NDST3: variants seen among roughly 807,000 people sequenced by gnomAD.
NDST3 encodes the protein bifunctional heparan sulfate N-deacetylase/N-sulfotransferase 3.
NDST3 carries 58 observed loss-of-function variants against 96.1 expected under a neutral mutation model. The observed-to-expected ratio is 0.60, with a 90% CI of 0.49 to 0.75. The LOEUF (loss-of-function observed/expected upper bound fraction) is 0.75. Ranked by LOEUF, NDST3 falls within the 30% of genes least tolerant of loss-of-function variation. The pLI is 0.00. For missense variants in NDST3, 788 were observed against 1,034.2 expected (o/e 0.76, Z 3.27); for synonymous variants, 333 against 359.7 (o/e 0.93, Z 0.84).
intron 6 of NDST3, among the ~76,000 whole-genome samples, chr4:118,220,898 A>C (rs1451679897): frequency 2.0e-5 from 3 of 152,098 alleles, no homozygotes; most frequent in African/African-American, 4.8e-5. Flanking sequence ...GGGTTTGATA[A>C]CCTGAGTTAG....
intron 12 of NDST3, among the ~76,000 whole-genome samples, chr4:118,253,024 A>C (rs896923939): frequency 6.6e-6 from 1 of 152,094 alleles, no homozygotes; most frequent in Admixed American, 6.5e-5. Flanking sequence ...AAAAGTAATC[A>C]CTCCATGATA....
intron 1 of NDST3, among the ~76,000 whole-genome samples, chr4:118,041,568 C>T (rs1724467199): frequency 1.3e-5 from 2 of 152,058 alleles, no homozygotes; most frequent in African/African-American, 2.4e-5. Context: ...AGGTTGAATT[C>T]GGAGCAGAAT....
chr4:118,087,668 G>C (rs1314211936), intron 2 of NDST3, among the ~76,000 whole-genome samples: 2 of 152,072 alleles, frequency 1.3e-5, no homozygotes, highest in African/African-American at 4.8e-5. Flanking sequence ...CAGGGGGAGA[G>C]AGGATGAGAA....
At chr4:118,159,780 A>G (rs1228974879) in intron 6 of NDST3, among the ~76,000 whole-genome samples, 2 of 152,186 alleles carry the variant, frequency 1.3e-5, no homozygotes, top group East Asian at 3.9e-4. Flanking sequence ...AAGTGAAAAA[A>G]TCACTACCTA....
In NDST3 at chr4:118,054,134, G is replaced by T; in HGVS notation, c.224G>T (p.Arg75Met). ...VKAMKLFDAS[R>M]TDPTVLVFVE... ...GCAATGAAGCTTTTTGATGCCTCAA[G>T]GACAGACCCCACAGTCCTAGTATTT... The change falls in exon 2 of 14, where the codon AGG becomes ATG. Residue 75 changes from arginine (R) to methionine (M), a missense_variant. Arg to Met is a moderately conservative substitution (Grantham distance 91). Around this residue, in one of 3 missense-constraint regions of NDST3, gnomAD observed 234 missense variants for 256.9 expected, o/e 0.91. Transcript: ENST00000296499. The T allele has an allele frequency of 6.2e-7, 1 of 1,612,876 alleles. No individual in the cohort carries two copies. Among genetic ancestry groups the T allele is most frequent in the East Asian group, 2.2e-5 (1 of 44,838 alleles).
chr4:118,101,622 T>C (rs1478869624), intron 2 of NDST3, among the ~76,000 whole-genome samples: 1 of 152,102 alleles, frequency 6.6e-6, no homozygotes, highest in African/African-American at 2.4e-5. Context: ...AGGTGTGTTC[T>C]AAAAAATGTG....
At chr4:118,225,754 G>A (rs1739834413) in intron 7 of NDST3, among the ~76,000 whole-genome samples, 1 of 152,122 alleles carries the variant, frequency 6.6e-6, no homozygotes, top group Non-Finnish European at 1.5e-5. Context: ...ATTACCTCCT[G>A]AGCACACACA....
Position 118,067,881 on chromosome 4 carries a change from C to T in NDST3, c.981+12990C>T, listed in dbSNP as rs1050284646. On this transcript the variant is annotated intron_variant, in intron 2 of 13. Coordinates refer to ENST00000296499, the MANE Select transcript of NDST3 (RefSeq NM_004784.3). ...GCACATGTATACCTATATAACAAAC[C>T]TGCACGTTCTACACATGTATCCTGG... Among the ~76,000 whole-genome samples, 2 of 151,830 alleles carry T rather than the reference C, an allele frequency of 1.3e-5. 1 individual carries two copies. Among genetic ancestry groups the T allele is most frequent in the South Asian group, 4.2e-4 (2 of 4,794 alleles).
intron 4 of NDST3, among the ~76,000 whole-genome samples, chr4:118,136,237 CT>C (rs1307468767): frequency 6.6e-6 from 1 of 152,214 alleles, no homozygotes; most frequent in Non-Finnish European, 1.5e-5. Context: ...ACATGCACCC[CT>C]GTATCTAAAA....
At chr4:118,255,571 T>C in intron 13 of NDST3, 22 bp from the exon 14 acceptor site, 4 of 1,592,042 alleles carry the variant, frequency 2.5e-6, no homozygotes, top group Middle Eastern at 1.7e-4. Flanking sequence ...AAATGTACTT[T>C]TCTCTCCTCC....
intron 6 of NDST3, among the ~76,000 whole-genome samples, chr4:118,209,890 C>T (rs1314352561): frequency 6.6e-6 from 1 of 152,144 alleles, no homozygotes; most frequent in Non-Finnish European, 1.5e-5. Context: ...AAACAGTACT[C>T]AGTGAATTTA....
rs954415939 is a variant in NDST3 at position 118,170,465 on chromosome 4, T to C, written c.1539+26781T>C. On this transcript the variant is annotated intron_variant, in intron 6 of 13. Transcript: ENST00000296499. ...GGCTCACGCCTGTAATCCCAGCACT[T>C]TGGGAGGCAGACCCAGCACTTTGGG... Among the ~76,000 whole-genome samples the C allele has an allele frequency of 1.3e-5, 2 of 152,116 alleles. 1 individual carries two copies. The highest frequency in any genetic ancestry group is 4.1e-4 in the South Asian group (2 of 4,826).
intron 12 of NDST3, among the ~76,000 whole-genome samples, chr4:118,242,970 C>T (rs1390962052): frequency 6.6e-6 from 1 of 152,026 alleles, no homozygotes; most frequent in Non-Finnish European, 1.5e-5. Flanking sequence ...TTACTGCGTC[C>T]ATTTAGAATA....
At chr4:118,110,607 T>C (rs990411384) in intron 3 of NDST3, among the ~76,000 whole-genome samples, 4 of 152,110 alleles carry the variant, frequency 2.6e-5, no homozygotes, top group African/African-American at 9.7e-5. Context: ...GAATAGCAAA[T>C]ACTACAGATA....
chr4:118,213,504 AG>A (rs1256536280), intron 6 of NDST3, among the ~76,000 whole-genome samples: 9 of 152,168 alleles, frequency 5.9e-5, no homozygotes, highest in Admixed American at 5.9e-4. Context: ...AGCAAACTAA[AG>A]GACCAAGAGT....
intron 2 of NDST3, among the ~76,000 whole-genome samples, chr4:118,104,007 C>T (rs1729969016): frequency 6.6e-6 from 1 of 152,128 alleles, no homozygotes; most frequent in African/African-American, 2.4e-5. Flanking sequence ...AAAACTCTAT[C>T]TGCTTATGAT....
chr4:118,205,499 T>C (rs1738377380), intron 6 of NDST3, among the ~76,000 whole-genome samples: 1 of 144,792 alleles, frequency 6.9e-6, no homozygotes, highest in Non-Finnish European at 1.5e-5. Flanking sequence ...TCACAGAATA[T>C]AGGACAGTTG....
chr4:118,048,478 G>C (rs1015190017), intron 1 of NDST3, among the ~76,000 whole-genome samples: 3 of 152,078 alleles, frequency 2.0e-5, no homozygotes, highest in Non-Finnish European at 2.9e-5. Flanking sequence ...GTCTTCATGA[G>C]ACCAATTTCA....
chr4:118,137,710 T>C (rs758217028), intron 4 of NDST3, among the ~76,000 whole-genome samples: 2 of 152,194 alleles, frequency 1.3e-5, no homozygotes, highest in African/African-American at 2.4e-5. Flanking sequence ...GTTTTGTTTG[T>C]AATAAGTGTC....
Sources: gnomAD v4.1 joint callset for allele counts (sites outside exome capture counted in the v4.1 genomes callset) on GRCh38, gnomAD v4.1.1 for gene constraint, gnomAD v4.1.1 regional missense constraint, MANE v1.5 for transcripts, NCBI Gene and HGNC (gene_info 2026-07-23, HGNC 2026-07-21) for gene names.